The following RPS6KA2 variants were observed in gnomAD, a reference collection of about 807,000 sequenced individuals.
RPS6KA2 encodes ribosomal protein S6 kinase A2.
In RPS6KA2, 42 loss-of-function variants were observed where a neutral mutation model predicts 91.8. That is an observed-to-expected ratio of 0.46 (90% CI 0.36 to 0.59). The LOEUF is 0.59. RPS6KA2 is among the 20% of genes least tolerant of loss of function. The probability of loss-of-function intolerance (pLI) is 0.00; values close to 1 mark genes in which losing one functional copy is unlikely to be tolerated. For missense variants in RPS6KA2, 798 were observed against 978.5 expected, an observed-to-expected ratio of 0.82 and a Z score of 2.46; for synonymous variants, 414 against 393.6, an observed-to-expected ratio of 1.05 and a Z score of -0.61.
At chr6:166,824,999 T>C (rs536977675) in intron 2 of RPS6KA2, among the ~76,000 whole-genome samples, 26 of 152,360 alleles carry the variant, frequency 1.7e-4, no homozygotes, top group African/African-American at 6.3e-4. Flanking sequence ...CTTGAAGCCA[T>C]GAGCGGAGCA....
In RPS6KA2 at chr6:166,420,956, C is replaced by T. The variant is rs529288971; in HGVS notation, c.1744-998G>A. 9.2e-5 allele frequency among the ~76,000 whole-genome samples: 14 copies of T among 152,310 alleles called. No homozygotes were observed. In the South Asian group the frequency reaches 2.5e-3, roughly 27 times the overall value. On this transcript the variant is annotated intron_variant, in intron 17 of 20. Coordinates refer to ENST00000265678, the MANE Select transcript of RPS6KA2 (RefSeq NM_021135.6). Reference sequence around the variant, plus strand: ...CTGGATTTAGCATTAAATATCGAGTCGGGAGAGCTCGGCTCAATTTCCTTA... The same window carrying T: ...CTGGATTTAGCATTAAATATCGAGTTGGGAGAGCTCGGCTCAATTTCCTTA...
At chr6:166,682,072 G>T (rs918061555) in intron 2 of RPS6KA2, among the ~76,000 whole-genome samples, 6 of 152,188 alleles carry the variant, frequency 3.9e-5, no homozygotes, top group African/African-American at 1.2e-4. Flanking sequence ...AGTTCTGAGG[G>T]TTTTGAGATG....
At chr6:166,611,456 A>G (rs1012932124) in intron 1 of RPS6KA2, among the ~76,000 whole-genome samples, 1 of 152,244 alleles carries the variant, frequency 6.6e-6, no homozygotes, top group African/African-American at 2.4e-5. Context: ...CCTTTTCAAC[A>G]TTGGATTCCA....
chr6:166,532,161 T>C (rs1433442786), intron 2 of RPS6KA2, among the ~76,000 whole-genome samples: 3 of 152,328 alleles, frequency 2.0e-5, no homozygotes, highest in African/African-American at 7.2e-5. Flanking sequence ...AAACGTCTCC[T>C]TTACTAAGCC....
At chr6:166,607,616 G>T (rs1786000648) in intron 1 of RPS6KA2, among the ~76,000 whole-genome samples, 1 of 152,150 alleles carries the variant, frequency 6.6e-6, no homozygotes, top group African/African-American at 2.4e-5. Context: ...GCAGGGGGTC[G>T]TGGAGGGGAA....
chr6:166,642,766 A>G (rs112833635), intron 2 of RPS6KA2, among the ~76,000 whole-genome samples: 5 of 151,846 alleles, frequency 3.3e-5, no homozygotes, highest in African/African-American at 4.8e-5. Flanking sequence ...TAAAAAAAAT[A>G]CCAACTGTTG....
intron 2 of RPS6KA2, among the ~76,000 whole-genome samples, chr6:166,643,264 T>C (rs1376370040): frequency 6.6e-6 from 1 of 152,204 alleles, no homozygotes. Context: ...ATAAAGTCAA[T>C]GTTAATGAGC....
chr6:166,452,092 A>G (rs768614818), intron 12 of RPS6KA2, among the ~76,000 whole-genome samples: 5 of 152,194 alleles, frequency 3.3e-5, no homozygotes, highest in South Asian at 4.1e-4. Context: ...ACATATTTAA[A>G]TAGGACAACA....
At chr6:166,589,619 A>G (rs944125503) in intron 1 of RPS6KA2, among the ~76,000 whole-genome samples, 1 of 152,218 alleles carries the variant, frequency 6.6e-6, no homozygotes, top group Non-Finnish European at 1.5e-5. Context: ...ATAAGAGCCT[A>G]AAGGGAAACT....
At chr6:166,664,871 G>A (rs183433302) in intron 2 of RPS6KA2, among the ~76,000 whole-genome samples, 12 of 152,262 alleles carry the variant, frequency 7.9e-5, no homozygotes, top group Admixed American at 4.6e-4. Flanking sequence ...GCCAGCTTTC[G>A]CCTCCTGAAC....
chr6:166,676,338 T>C (rs1217355931), intron 2 of RPS6KA2, among the ~76,000 whole-genome samples: 3 of 147,300 alleles, frequency 2.0e-5, no homozygotes, highest in African/African-American at 7.5e-5. Context: ...AAAAAAAATG[T>C]CCTGGGAGGT....
chr6:166,581,137 C>T (rs56064314), intron 1 of RPS6KA2, among the ~76,000 whole-genome samples: 55,026 of 151,938 alleles, frequency 0.36, 10,315 homozygotes, highest in East Asian at 0.51. Flanking sequence ...ATGATCTGCC[C>T]GCCTCGGCCT....
At position 166,504,610 on chromosome 6, in the gene RPS6KA2, G is replaced by T; in HGVS notation, c.462C>A (p.Val154=). 1 of 1,599,652 alleles carries T rather than the reference G, an allele frequency of 6.3e-7. No homozygotes were observed. Among genetic ancestry groups the T allele is most frequent in the Non-Finnish European group, 8.5e-7 (1 of 1,174,114 alleles). ...GDLFTRLSKE[V]MFTEEDVKFY... The stretch of plus-strand genomic sequence containing the variant: ...ACTTGACATCCTCCTCCGTGAACAT[G>T]ACCTAGTAAGAAAAAAACAAAAACA... The change falls in exon 6 of 21, where the codon GTC becomes GTA. Residue 154 remains valine (V), a splice_region_variant and synonymous_variant. Transcript: ENST00000265678.
intron 2 of RPS6KA2, among the ~76,000 whole-genome samples, chr6:166,729,148 C>T (rs1562404881): frequency 6.6e-6 from 1 of 152,176 alleles, no homozygotes; most frequent in Admixed American, 6.5e-5. Context: ...CTAGGCAGAG[C>T]GTGAAACAAG....
intron 2 of RPS6KA2, among the ~76,000 whole-genome samples, chr6:166,650,587 A>G (rs1187117490): frequency 6.6e-6 from 1 of 152,196 alleles, no homozygotes; most frequent in Non-Finnish European, 1.5e-5. Flanking sequence ...ATGACTGTTC[A>G]GGCCTGTGTC....
At chr6:166,727,228 T>G (rs550531676) in intron 2 of RPS6KA2, among the ~76,000 whole-genome samples, 1 of 152,214 alleles carries the variant, frequency 6.6e-6, no homozygotes, top group East Asian at 1.9e-4. Flanking sequence ...ATGGAATCAT[T>G]CTGCTGATGT....
chr6:166,562,745 T>C (rs1784379985), intron 1 of RPS6KA2, among the ~76,000 whole-genome samples: 1 of 152,208 alleles, frequency 6.6e-6, no homozygotes, highest in Non-Finnish European at 1.5e-5. Context: ...TCCCAGGTGC[T>C]GGAAGTCTCC....
intron 2 of RPS6KA2, among the ~76,000 whole-genome samples, chr6:166,753,515 C>G (rs1192956453): frequency 6.6e-6 from 1 of 152,138 alleles, no homozygotes; most frequent in Non-Finnish European, 1.5e-5. Flanking sequence ...CCACAGCTAT[C>G]TATTAATACT....
intron 2 of RPS6KA2, among the ~76,000 whole-genome samples, chr6:166,637,810 T>A (rs975263955): frequency 7.2e-5 from 11 of 152,296 alleles, no homozygotes; most frequent in African/African-American, 2.4e-4. Flanking sequence ...CGGGTTCAGA[T>A]TTGCAGCATA....
Sources: gnomAD v4.1 joint callset for allele counts (sites outside exome capture counted in the v4.1 genomes callset) on GRCh38, gnomAD v4.1.1 for gene constraint, MANE v1.5 for transcripts, NCBI Gene and HGNC (gene_info 2026-07-23, HGNC 2026-07-21) for gene names.